The following MARCHF1 variants were observed in gnomAD, a reference collection of about 807,000 sequenced individuals.
MARCHF1 encodes the protein E3 ubiquitin-protein ligase MARCHF1.
MARCHF1 carries 40 observed loss-of-function variants against 54.2 expected under a neutral mutation model. The observed-to-expected ratio is 0.74, with a 90% confidence interval of 0.57 to 0.96. MARCHF1 has a LOEUF of 0.96. Ranked by LOEUF, MARCHF1 falls within the 40% of genes least tolerant of loss-of-function variation. The pLI, the probability that MARCHF1 is intolerant of heterozygous loss-of-function variation, is 0.00. For missense variants in MARCHF1, 586 were observed against 656.5 expected (o/e 0.89, Z 1.17); for synonymous variants, 236 against 236.3 (o/e 1.00, Z 0.01).
chr4:164,264,646 G>A (rs1415096763), intron 1 of MARCHF1, among the ~76,000 whole-genome samples: 2 of 152,046 alleles, frequency 1.3e-5, no homozygotes, highest in African/African-American at 2.4e-5. Flanking sequence ...CTGGCTGGAC[G>A]CAGTGGCTCA....
At chr4:163,629,105 T>C (rs1013794794) in intron 5 of MARCHF1, among the ~76,000 whole-genome samples, 7 of 151,972 alleles carry the variant, frequency 4.6e-5, no homozygotes, top group African/African-American at 1.7e-4. Flanking sequence ...CCTAAGACAA[T>C]CCTAAGCAAA....
intron 4 of MARCHF1, among the ~76,000 whole-genome samples, chr4:163,819,899 T>G (rs1013976778): frequency 3.9e-5 from 6 of 152,128 alleles, no homozygotes; most frequent in African/African-American, 1.4e-4. Context: ...AGATGATTCC[T>G]TTGCAGAATT....
At chr4:164,110,736 G>A (rs1231600219) in intron 2 of MARCHF1, among the ~76,000 whole-genome samples, 2 of 149,938 alleles carry the variant, frequency 1.3e-5, no homozygotes, top group Non-Finnish European at 3.0e-5. Context: ...AGCTGCAAGT[G>A]TCAAAATAAA....
chr4:163,862,865 T>A (rs1169545755), intron 3 of MARCHF1, among the ~76,000 whole-genome samples: 1 of 152,018 alleles, frequency 6.6e-6, no homozygotes, highest in Non-Finnish European at 1.5e-5. Flanking sequence ...CATTCATACA[T>A]CATATTATTC....
At chr4:164,200,952 G>A (rs918824109) in intron 1 of MARCHF1, among the ~76,000 whole-genome samples, 2 of 152,140 alleles carry the variant, frequency 1.3e-5, no homozygotes, top group Non-Finnish European at 2.9e-5. Flanking sequence ...AGACCACGAG[G>A]TGGAAACAGA....
intron 3 of MARCHF1, among the ~76,000 whole-genome samples, chr4:163,933,913 T>A (rs2111405320): frequency 6.6e-6 from 1 of 152,342 alleles, no homozygotes; most frequent in African/African-American, 2.4e-5. Context: ...AAAAATTCAC[T>A]TACACCTCCT....
Position 163,832,256 on chromosome 4 carries a change from AG to A in MARCHF1, c.111+21764del, listed in dbSNP as rs527370935. Among the ~76,000 whole-genome samples, 783 of 152,346 alleles carry A rather than the reference AG, an allele frequency of 5.1e-3. 2 individuals are homozygous for A. Among genetic ancestry groups the A allele is most frequent in the Non-Finnish European group, 6.6e-3 (447 of 68,030 alleles). On this transcript the variant is annotated intron_variant, in intron 4 of 9. Coordinates refer to ENST00000514618, the MANE Select transcript of MARCHF1 (RefSeq NM_001394959.1). ...AATACGTGCAGATTCATGAGAATAA[AG>A]AACAAATTAGGACTCATCAAGGTCA...
At chr4:163,910,322 C>T (rs1399229332) in intron 3 of MARCHF1, among the ~76,000 whole-genome samples, 3 of 152,080 alleles carry the variant, frequency 2.0e-5, no homozygotes, top group Non-Finnish European at 4.4e-5. Context: ...CAATGTGTTG[C>T]AGTAAAACTA....
chr4:164,293,717 G>A (rs926059225), intron 1 of MARCHF1, among the ~76,000 whole-genome samples: 1 of 152,158 alleles, frequency 6.6e-6, no homozygotes, highest in Admixed American at 6.5e-5. Context: ...ACATAGAATC[G>A]AGTGACTCTT....
intron 4 of MARCHF1, among the ~76,000 whole-genome samples, chr4:163,730,664 C>G (rs761139307): frequency 7.2e-5 from 11 of 152,030 alleles, no homozygotes; most frequent in Non-Finnish European, 1.2e-4. Context: ...GTGTGCTGCA[C>G]CTACTTTTTT....
intron 1 of MARCHF1, among the ~76,000 whole-genome samples, chr4:164,301,906 G>T (rs1734570514): frequency 6.6e-6 from 1 of 152,154 alleles, no homozygotes; most frequent in Admixed American, 6.5e-5. Context: ...TGTGAAGAAG[G>T]GGGAAAGACA....
chr4:163,891,402 C>T (rs556070075), intron 3 of MARCHF1, among the ~76,000 whole-genome samples: 2 of 152,212 alleles, frequency 1.3e-5, no homozygotes, highest in South Asian at 2.1e-4. Flanking sequence ...TTACACAACG[C>T]TTCATGTTCT....
intron 5 of MARCHF1, among the ~76,000 whole-genome samples, chr4:163,661,218 G>T (rs1743332887): frequency 6.6e-6 from 1 of 151,932 alleles, no homozygotes; most frequent in Admixed American, 6.6e-5. Flanking sequence ...GCTACTAGCT[G>T]TCTTTTTGCT....
At chr4:164,283,562 A>C (rs915781702) in intron 1 of MARCHF1, among the ~76,000 whole-genome samples, 7 of 151,060 alleles carry the variant, frequency 4.6e-5, no homozygotes, top group Admixed American at 3.4e-4. Flanking sequence ...CCTTTGAGAC[A>C]TTTTGATATC....
intron 9 of MARCHF1, among the ~76,000 whole-genome samples, chr4:163,544,907 G>A (rs1738845710): frequency 3.3e-5 from 5 of 152,082 alleles, no homozygotes; most frequent in Admixed American, 3.3e-4. Context: ...GGCTGGATAA[G>A]GTATGAAAAC....
At chr4:163,638,253 A>AATT in intron 5 of MARCHF1, among the ~76,000 whole-genome samples, 1 of 149,058 alleles carries the variant, frequency 6.7e-6, no homozygotes, top group African/African-American at 2.6e-5. Flanking sequence ...AAAAAAAAAA[A>AATT]TTAAAAAAAA....
At chr4:163,636,156 C>T (rs1025868518) in intron 5 of MARCHF1, among the ~76,000 whole-genome samples, 11 of 152,156 alleles carry the variant, frequency 7.2e-5, no homozygotes, top group Non-Finnish European at 1.0e-4. Context: ...TGGGAAAAAA[C>T]TGGAAGCATT....
chr4:164,325,204 A>T (rs1735242351), intron 1 of MARCHF1, among the ~76,000 whole-genome samples: 1 of 151,718 alleles, frequency 6.6e-6, no homozygotes, highest in Non-Finnish European at 1.5e-5. Flanking sequence ...TGAAAGATGC[A>T]GGTAATAATC....
chr4:164,132,011 T>C (rs1046208148), intron 1 of MARCHF1, among the ~76,000 whole-genome samples: 1 of 152,144 alleles, frequency 6.6e-6, no homozygotes, highest in African/African-American at 2.4e-5. Context: ...AAAGTATTGA[T>C]TCTTAACAGT....
Sources: gnomAD v4.1 joint callset for allele counts (sites outside exome capture counted in the v4.1 genomes callset) on GRCh38, gnomAD v4.1.1 for gene constraint, MANE v1.5 for transcripts, NCBI Gene and HGNC (gene_info 2026-07-23, HGNC 2026-07-21) for gene names.